Variants in PTPRT observed in about 807,000 individuals in gnomAD.
PTPRT encodes protein tyrosine phosphatase receptor type T, also known as receptor-type tyrosine-protein phosphatase T.
Under a neutral mutation model 176.8 loss-of-function variants are expected in PTPRT, and 56 were observed. The observed-to-expected ratio is 0.32, with a 90% CI of 0.26 to 0.40. The LOEUF (loss-of-function observed/expected upper bound fraction) is 0.40. Ranked by LOEUF, PTPRT falls within the 10% of genes least tolerant of loss-of-function variation. PTPRT has a pLI of 1.00. For synonymous variants in PTPRT, 783 were observed against 739.0 expected, an observed-to-expected ratio of 1.06 and a Z score of -0.96; for missense variants, 1,540 against 1,908.2, an observed-to-expected ratio of 0.81 and a Z score of 3.60.
At chr20:42,966,234 C>G (rs902186957) in intron 1 of PTPRT, 5 of 152,168 alleles carry the variant, frequency 3.3e-5, no homozygotes, top group Non-Finnish European at 7.3e-5. Flanking sequence ...GTATATGAAA[C>G]TATTTTCTAA....
Position 42,997,645 on chromosome 20 carries a change from G to T in PTPRT, c.89-111713C>A, listed in dbSNP as rs1984296067. Among the ~76,000 whole-genome samples the T allele has an allele frequency of 2.0e-5, 3 of 152,208 alleles. No homozygotes were observed. In the South Asian group the frequency reaches 6.2e-4, roughly 31 times the overall value. The stretch of plus-strand genomic sequence containing the variant: ...TTCTGAGCCACTAAGTTTCTAGGTG[G>T]TTTGTTATGTATCAATAGTAACTAG... On this transcript the variant is annotated intron_variant, in intron 1 of 30. Transcript: ENST00000373187.
At chr20:42,285,807 A>C (rs946487145) in intron 12 of PTPRT, among the ~76,000 whole-genome samples, 1 of 151,758 alleles carries the variant, frequency 6.6e-6, no homozygotes, top group East Asian at 1.9e-4. Flanking sequence ...TACCAAAAAA[A>C]CACTCCTAGA....
chr20:42,586,564 G>A (rs752346709), intron 7 of PTPRT, among the ~76,000 whole-genome samples: 1 of 152,070 alleles, frequency 6.6e-6, no homozygotes, highest in Non-Finnish European at 1.5e-5. Flanking sequence ...GAAGGACTTC[G>A]ACCTCAACAT....
chr20:43,110,057 T>G (rs1307713427), intron 1 of PTPRT, among the ~76,000 whole-genome samples: 2 of 152,078 alleles, frequency 1.3e-5, no homozygotes, highest in East Asian at 1.9e-4. Context: ...TAAAGAAAAA[T>G]TGTTTACTTG....
At chr20:42,951,200 T>C (rs935160583) in intron 1 of PTPRT, among the ~76,000 whole-genome samples, 2 of 152,068 alleles carry the variant, frequency 1.3e-5, no homozygotes, top group Non-Finnish European at 2.9e-5. Context: ...GATGGATGAA[T>C]ACATGGGTAG....
intron 13 of PTPRT, among the ~76,000 whole-genome samples, chr20:42,260,804 A>T (rs968162058): frequency 6.6e-6 from 1 of 152,234 alleles, no homozygotes; most frequent in African/African-American, 2.4e-5. Flanking sequence ...AGAAGCAGAA[A>T]CCAAACCAAG....
intron 2 of PTPRT, among the ~76,000 whole-genome samples, chr20:42,820,807 A>G (rs1460920594): frequency 6.6e-6 from 1 of 152,222 alleles, no homozygotes; most frequent in Non-Finnish European, 1.5e-5. Flanking sequence ...AAACTAGAAA[A>G]TCTAGAAGAA....
intron 6 of PTPRT, among the ~76,000 whole-genome samples, chr20:42,686,577 G>A (rs972857504): frequency 1.7e-4 from 24 of 140,190 alleles, no homozygotes; most frequent in South Asian, 4.6e-4. Context: ...TCCGCCTCCC[G>A]GGTTCAAGTG....
intron 15 of PTPRT, among the ~76,000 whole-genome samples, chr20:42,226,430 C>T (rs1451495619): frequency 6.6e-6 from 1 of 152,156 alleles, no homozygotes; most frequent in Non-Finnish European, 1.5e-5. Context: ...GAAATACCTC[C>T]AAGCTTAACT....
intron 1 of PTPRT, among the ~76,000 whole-genome samples, chr20:42,986,694 C>A (rs1220358131): frequency 2.0e-5 from 3 of 152,188 alleles, no homozygotes; most frequent in Non-Finnish European, 4.4e-5. Context: ...AAGGAGTTTA[C>A]ATGGATTTAT....
intron 1 of PTPRT, among the ~76,000 whole-genome samples, chr20:43,093,546 A>G (rs184025765): frequency 4.6e-5 from 7 of 152,346 alleles, no homozygotes; most frequent in Admixed American, 4.6e-4. Flanking sequence ...ACGCATGCAC[A>G]CACACAACAG....
chr20:42,158,322 G>T (rs952121004), intron 17 of PTPRT, among the ~76,000 whole-genome samples: 1 of 152,080 alleles, frequency 6.6e-6, no homozygotes, highest in Non-Finnish European at 1.5e-5. Context: ...ACCTAGAATT[G>T]TCCCTGGGAA....
chr20:42,415,362 TTTTGTTTG>T (rs10622657), intron 9 of PTPRT, among the ~76,000 whole-genome samples: 5 of 149,674 alleles, frequency 3.3e-5, no homozygotes, highest in African/African-American at 4.9e-5. Flanking sequence ...TTTTTGTCTT[TTTTGTTTG>T]TTTGTTTGTT....
chr20:42,562,310 A>T (rs528788984), intron 7 of PTPRT, among the ~76,000 whole-genome samples: 1 of 152,314 alleles, frequency 6.6e-6, no homozygotes, highest in African/African-American at 2.4e-5. Flanking sequence ...CATCAACATG[A>T]GTAGTTTTGC....
At chr20:42,465,570 T>G (rs1329923492) in intron 8 of PTPRT, among the ~76,000 whole-genome samples, 1 of 152,164 alleles carries the variant, frequency 6.6e-6, no homozygotes, top group Non-Finnish European at 1.5e-5. Flanking sequence ...AGTATATCAA[T>G]TATGCTACCT....
intron 26 of PTPRT, 127 bp from the exon 27 acceptor site, chr20:42,098,679 GTTC>G: frequency 8.0e-7 from 1 of 1,257,756 alleles, no homozygotes; most frequent in Non-Finnish European, 1.1e-6. Context: ...ACACCTGCCT[GTTC>G]TTTTATCTCT....
intron 12 of PTPRT, among the ~76,000 whole-genome samples, chr20:42,309,982 T>C: frequency 6.6e-6 from 1 of 152,144 alleles, no homozygotes; most frequent in East Asian, 1.9e-4. Flanking sequence ...TTAGGTAATA[T>C]GGTTGGACTC....
At chr20:43,083,347 T>TATACATAC (rs2011506495) in intron 1 of PTPRT, among the ~76,000 whole-genome samples, 2 of 97,786 alleles carry the variant, frequency 2.0e-5, no homozygotes, top group African/African-American at 7.1e-5. Flanking sequence ...TATATATATA[T>TATACATAC]ATATATATAT....
intron 7 of PTPRT, among the ~76,000 whole-genome samples, chr20:42,601,937 C>T (rs1308216909): frequency 2.6e-5 from 4 of 152,138 alleles, no homozygotes; most frequent in Non-Finnish European, 4.4e-5. Context: ...GCATGGTGAA[C>T]ACCAGGTGCC....
Sources: allele counts gnomAD v4.1 joint callset (sites outside exome capture counted in the v4.1 genomes callset), GRCh38; gene constraint gnomAD v4.1.1; transcripts MANE v1.5; gene names NCBI Gene and HGNC (gene_info 2026-07-23, HGNC 2026-07-21).